Variants in CWF19L2 observed in about 807,000 individuals in gnomAD.
CWF19L2 encodes CWF19 like cell cycle control factor 2.
Under a neutral mutation model 111.7 loss-of-function variants are expected in CWF19L2, and 98 were observed. The ratio of observed to expected loss-of-function variants is 0.88; its 90% CI spans 0.75 to 1.04. The LOEUF (loss-of-function observed/expected upper bound fraction) is 1.04. CWF19L2 is among the 50% of genes least tolerant of loss of function. The pLI, the probability that CWF19L2 is intolerant of heterozygous loss-of-function variation, is 0.00. For missense variants in CWF19L2, 1,101 were observed against 1,051.4 expected (o/e 1.05, Z -0.65); for synonymous variants, 351 against 342.9 (o/e 1.02, Z -0.26).
chr11:107,332,732 A>G (rs908670020), intron 16 of CWF19L2, among the ~76,000 whole-genome samples: 2 of 152,190 alleles, frequency 1.3e-5, no homozygotes, highest in East Asian at 3.9e-4. Flanking sequence ...AAGATAATGG[A>G]AAGTTTATTA....
At chr11:107,452,492 G>A (rs1861791675) in intron 3 of CWF19L2, among the ~76,000 whole-genome samples, 1 of 152,120 alleles carries the variant, frequency 6.6e-6, no homozygotes, top group African/African-American at 2.4e-5. Flanking sequence ...GATGTACCAA[G>A]TGCATAATGG....
At chr11:107,339,093 T>C (rs749657324) in intron 14 of CWF19L2, among the ~76,000 whole-genome samples, 4 of 152,206 alleles carry the variant, frequency 2.6e-5, no homozygotes, top group Non-Finnish European at 4.4e-5. Context: ...TTTGACTTTT[T>C]AATAGTAGCC....
At chr11:107,377,998 C>CA (rs1330285826) in intron 12 of CWF19L2, among the ~76,000 whole-genome samples, 1 of 151,832 alleles carries the variant, frequency 6.6e-6, no homozygotes. Context: ...TTTATGCAGC[C>CA]AAAAAACACA....
At chr11:107,411,080 C>T (rs920724235) in intron 10 of CWF19L2, among the ~76,000 whole-genome samples, 25 of 85,422 alleles carry the variant, frequency 2.9e-4, no homozygotes, top group Admixed American at 7.7e-4. Context: ...TGTGTGTGCG[C>T]GCGTGCGTGC....
At chr11:107,435,437 G>A (rs1250087482) in intron 6 of CWF19L2, among the ~76,000 whole-genome samples, 1 of 151,948 alleles carries the variant, frequency 6.6e-6, no homozygotes, top group African/African-American at 2.4e-5. Context: ...CTGTGAAACT[G>A]ATAAAATGCT....
chr11:107,431,090 T>C (rs1861460157), intron 7 of CWF19L2, among the ~76,000 whole-genome samples: 1 of 151,990 alleles, frequency 6.6e-6, no homozygotes, highest in African/African-American at 2.4e-5. Flanking sequence ...CTCTTAATCT[T>C]AAATGCAAAA....
intron 14 of CWF19L2, among the ~76,000 whole-genome samples, chr11:107,347,068 T>C (rs1409437667): frequency 6.6e-6 from 1 of 152,202 alleles, no homozygotes; most frequent in African/African-American, 2.4e-5. Flanking sequence ...CTACAGCATA[T>C]GTTCAAGAAA....
chr11:107,338,514 G>C (rs12576043), intron 14 of CWF19L2, among the ~76,000 whole-genome samples: 158 of 152,122 alleles, frequency 1.0e-3, no homozygotes, highest in African/African-American at 3.4e-3. Flanking sequence ...CCGTTACCTA[G>C]GTATTAAACC....
intron 12 of CWF19L2, among the ~76,000 whole-genome samples, chr11:107,385,764 C>G (rs189239364): frequency 3.3e-4 from 50 of 152,360 alleles, no homozygotes; most frequent in African/African-American, 1.1e-3. Flanking sequence ...TCCATCCCCC[C>G]CAGGGGACAT....
At chr11:107,453,752 T>C (rs1424579326) in intron 3 of CWF19L2, among the ~76,000 whole-genome samples, 2 of 151,458 alleles carry the variant, frequency 1.3e-5, no homozygotes, top group African/African-American at 2.4e-5. Flanking sequence ...GCCTTGGCTC[T>C]TGGATAGCAT....
intron 13 of CWF19L2, among the ~76,000 whole-genome samples, chr11:107,352,289 CAAGA>C (rs879451275): frequency 0.8 from 122,335 of 152,000 alleles, 49,925 homozygotes; most frequent in African/African-American, 0.94. Context: ...CCACGAAATG[CAAGA>C]GCATTTATAT....
chr11:107,378,192 T>C (rs536069678), intron 12 of CWF19L2, among the ~76,000 whole-genome samples: 97 of 149,998 alleles, frequency 6.5e-4, no homozygotes, highest in Non-Finnish European at 7.7e-4. Flanking sequence ...GTTCAACCAT[T>C]GTGGAAGTCA....
chr11:107,422,979 A>G (rs949547910), intron 8 of CWF19L2, among the ~76,000 whole-genome samples: 1 of 152,012 alleles, frequency 6.6e-6, no homozygotes, highest in African/African-American at 2.4e-5. Context: ...AGAAAGTAAC[A>G]TATTTTCATT....
intron 6 of CWF19L2, among the ~76,000 whole-genome samples, chr11:107,436,567 T>C (rs1861544299): frequency 6.6e-6 from 1 of 152,190 alleles, no homozygotes; most frequent in African/African-American, 2.4e-5. Flanking sequence ...CTTTGCTCCT[T>C]CATCTCTAAG....
chr11:107,414,104 T>C (rs1015938684), intron 10 of CWF19L2, among the ~76,000 whole-genome samples: 2 of 152,214 alleles, frequency 1.3e-5, no homozygotes, highest in African/African-American at 4.8e-5. Flanking sequence ...ACTGTAATAA[T>C]GACATGGACT....
chr11:107,380,188 A>T (rs1485890823), intron 12 of CWF19L2, among the ~76,000 whole-genome samples: 15 of 152,122 alleles, frequency 9.9e-5, no homozygotes, highest in Admixed American at 9.8e-4. Flanking sequence ...CTGCATTATT[A>T]CACAAGGATT....
chr11:107,440,929 C>A (rs1482809718), intron 5 of CWF19L2, among the ~76,000 whole-genome samples: 1 of 152,088 alleles, frequency 6.6e-6, no homozygotes, highest in Admixed American at 6.5e-5. Flanking sequence ...ATACTGAGTA[C>A]TGGAAAAGAA....
chr11:107,389,740 C>T (rs533480895), intron 12 of CWF19L2, among the ~76,000 whole-genome samples: 40 of 152,268 alleles, frequency 2.6e-4, no homozygotes, highest in African/African-American at 9.6e-4. Context: ...TAAGACAAGA[C>T]GGAGTGGTAA....
intron 8 of CWF19L2, among the ~76,000 whole-genome samples, chr11:107,424,679 T>C (rs924284572): frequency 1.3e-5 from 2 of 151,892 alleles, no homozygotes; most frequent in Admixed American, 1.3e-4. Context: ...GTGATTTCCA[T>C]TGTCATGAAA....
Sources: allele counts gnomAD v4.1 joint callset (sites outside exome capture counted in the v4.1 genomes callset), GRCh38; gene constraint gnomAD v4.1.1; transcripts MANE v1.5; gene names NCBI Gene and HGNC (gene_info 2026-07-23, HGNC 2026-07-21).